The following GREM1 variants were observed in gnomAD, a reference collection of about 807,000 sequenced individuals.
GREM1 encodes gremlin 1, DAN family BMP antagonist, also known as gremlin-1.
Under a neutral mutation model 13.1 loss-of-function variants are expected in GREM1, and 6 were observed. That is an observed-to-expected ratio of 0.46 (90% confidence interval 0.25 to 0.91). The LOEUF is 0.91. Among genes scored for constraint, GREM1 ranks in the 40% least tolerant of loss-of-function variants. The pLI, the probability that GREM1 is intolerant of heterozygous loss-of-function variation, is 0.18. For missense variants in GREM1, 185 were observed against 233.9 expected, an observed-to-expected ratio of 0.79 and a Z score of 1.36; for synonymous variants, 98 against 93.7, an observed-to-expected ratio of 1.05 and a Z score of -0.27.
At position 32,736,935 on chromosome 15, in the gene GREM1, T is replaced by G. The variant is rs2055704199; in HGVS notation, c.*5690T>G. On this transcript the variant is annotated 3_prime_UTR_variant, in exon 2 of 2. Coordinates refer to ENST00000651154, the MANE Select transcript of GREM1 (RefSeq NM_013372.7). ...CTCTCCACAAAAAGCCTCATGTGAG[T>G]AATAAATGTTTCATACTCTCTTGGG... 1 of 152,112 alleles carries G rather than the reference T, an allele frequency of 6.6e-6. No individual in the cohort carries two copies. The highest frequency in any genetic ancestry group is 2.4e-5 in the African/African-American group (1 of 41,422). 9.4% of individuals were successfully genotyped at this position (152,112 alleles called of 1,614,324 possible). A position where few individuals can be genotyped will look rare whatever the true frequency, so the allele number is the denominator to read the frequency against.
At position 32,736,485 on chromosome 15, in the gene GREM1, G is replaced by C. The variant is rs2055698582; in HGVS notation, c.*5240G>C. ...AAGCCTTAAGCTCTCACTTCAAGCTGATCTTGAGGCTCTGCACAAGCCATA... is the reference window on the plus strand; with the variant it reads ...AAGCCTTAAGCTCTCACTTCAAGCTCATCTTGAGGCTCTGCACAAGCCATA... On this transcript the variant is annotated 3_prime_UTR_variant, in exon 2 of 2. Coordinates refer to ENST00000651154, the MANE Select transcript of GREM1 (RefSeq NM_013372.7). 1 of 152,154 alleles carries C rather than the reference G, an allele frequency of 6.6e-6. No homozygotes were observed. The allele number at this position is 152,154 out of a possible 1,614,324, so 9.4% of individuals were successfully genotyped here.
intron 1 of GREM1, among the ~76,000 whole-genome samples, chr15:32,726,026 T>G (rs2055496670): frequency 6.6e-6 from 1 of 152,186 alleles, no homozygotes; most frequent in Non-Finnish European, 1.5e-5. Flanking sequence ...ACCGTGCTGT[T>G]TTGGTTACTG....
intron 1 of GREM1, chr15:32,718,838 C>T: frequency 3.9e-6 from 1 of 259,422 alleles, no homozygotes; most frequent in Non-Finnish European, 7.7e-6. Context: ...GCTCACAAGG[C>T]AGACACCACA....
At chr15:32,728,493 T>A (rs1366808619) in intron 1 of GREM1, among the ~76,000 whole-genome samples, 3 of 152,106 alleles carry the variant, frequency 2.0e-5, no homozygotes, top group East Asian at 3.9e-4. Context: ...CATTTAAAGA[T>A]ATCTTAAATT....
intron 1 of GREM1, among the ~76,000 whole-genome samples, chr15:32,725,998 A>G (rs1160687365): frequency 6.6e-6 from 1 of 152,146 alleles, no homozygotes; most frequent in South Asian, 2.1e-4. Context: ...TGGTCTGTAT[A>G]TCTGCTTTGA....
At position 32,718,125 on chromosome 15, in the gene GREM1, C is replaced by G. The variant is rs2055325934; in HGVS notation, c.-38C>G. The stretch of plus-strand genomic sequence containing the variant: ...CGCGGCCGCACTCAGCGCCACGCGT[C>G]GAAAGCGCAGGCCCCGAGGACCCGC... On this transcript the variant is annotated 5_prime_UTR_variant, in exon 1 of 2. Coordinates refer to ENST00000651154, the MANE Select transcript of GREM1 (RefSeq NM_013372.7). The G allele has an allele frequency of 7.8e-7, 1 of 1,283,116 alleles. No homozygotes were observed. Among genetic ancestry groups the G allele is most frequent in the Non-Finnish European group, 1.0e-6 (1 of 992,526 alleles). The allele number at this position is 1,283,116 out of a possible 1,614,324, so 79.5% of individuals were successfully genotyped here. A position where few individuals can be genotyped will look rare whatever the true frequency, so the allele number is the denominator to read the frequency against.
chr15:32,720,407 C>T (rs1041687531), intron 1 of GREM1, among the ~76,000 whole-genome samples: 5 of 152,086 alleles, frequency 3.3e-5, no homozygotes, highest in African/African-American at 1.2e-4. Flanking sequence ...AATTTCATGC[C>T]GCAGACACCT....
chr15:32,730,601 C>A (rs1567112776), intron 1 of GREM1, 89 bp from the exon 2 acceptor site: 2 of 841,570 alleles, frequency 2.4e-6, no homozygotes, highest in Non-Finnish European at 3.7e-6. Context: ...TTTAACGGTG[C>A]GTTTAAATGC....
At chr15:32,721,515 G>A (rs960340407) in intron 1 of GREM1, among the ~76,000 whole-genome samples, 3 of 152,100 alleles carry the variant, frequency 2.0e-5, no homozygotes, top group African/African-American at 4.8e-5. Context: ...AAGCACTTTC[G>A]GAGACTGAGG....
chr15:32,730,806 C>A lies in GREM1; in HGVS notation c.116C>A (p.Ala39Asp). 6.2e-7 allele frequency: 1 copy of A among 1,613,896 alleles called. No individual in the cohort carries two copies. Among genetic ancestry groups the A allele is most frequent in the Non-Finnish European group, 8.5e-7 (1 of 1,179,980 alleles). The change falls in exon 2 of 2, where the codon GCC becomes GAC. Residue 39 changes from alanine (A) to aspartate (D), a missense_variant. Physicochemically the swap from Ala to Asp is moderately radical, Grantham distance 126 (BLOSUM62 -2). Transcript: ENST00000651154. ...GGTGCCATCCCCCCGCCAGACAAGGCCCAGCACAATGACTCAGAGCAGACT... is the reference window on the plus strand; with the variant it reads ...GGTGCCATCCCCCCGCCAGACAAGGACCAGCACAATGACTCAGAGCAGACT... ...SQGAIPPPDK[A>D]QHNDSEQTQS... is the part of the protein sequence containing the mutation.
intron 1 of GREM1, among the ~76,000 whole-genome samples, chr15:32,728,008 A>T (rs1329110944): frequency 9.2e-5 from 14 of 152,216 alleles, no homozygotes; most frequent in Admixed American, 5.2e-4. Context: ...ATGGAAAAAC[A>T]TTCCATGCTC....
chr15:32,727,202 C>T (rs1595848758), intron 1 of GREM1, among the ~76,000 whole-genome samples: 1 of 134,132 alleles, frequency 7.5e-6, no homozygotes, highest in East Asian at 2.1e-4. Context: ...AGAGACACAA[C>T]ATAAAAAAGG....
rs4780038 is a variant in GREM1, at chr15:32,728,066, C to T, written c.-1-2624C>T. ...ATGAAAATGGCCATACTGCCCAAAA[C>T]AATTTATAGATTCAATGCCATCCCC... is the stretch of plus-strand genomic sequence containing the variant. On this transcript the variant is annotated intron_variant, in intron 1 of 1. Transcript: ENST00000651154. 0.59 allele frequency among the ~76,000 whole-genome samples: 90,193 copies of T among 151,938 alleles called. 28,232 individuals are homozygous for T. Among genetic ancestry groups the T allele is most frequent in the East Asian group, 0.77 (3,962 of 5,174 alleles).
chr15:32,725,564 A>C (rs1156660777), intron 1 of GREM1, among the ~76,000 whole-genome samples: 1 of 152,120 alleles, frequency 6.6e-6, no homozygotes, highest in African/African-American at 2.4e-5. Context: ...AGACTGCAAA[A>C]ATTTTCTCCC....
chr15:32,727,825 C>T (rs890116395), intron 1 of GREM1, among the ~76,000 whole-genome samples: 1 of 152,208 alleles, frequency 6.6e-6, no homozygotes, highest in Non-Finnish European at 1.5e-5. Context: ...GCAAAAATCA[C>T]AAGCATTCCT....
chr15:32,723,326 G>A (rs2055442882), intron 1 of GREM1, among the ~76,000 whole-genome samples: 1 of 152,282 alleles, frequency 6.6e-6, no homozygotes, highest in Admixed American at 6.5e-5. Flanking sequence ...GAGCTTGAGT[G>A]ATTGACAAGG....
In GREM1 at chr15:32,738,976, G is replaced by T. The variant is rs550163401; in HGVS notation, c.*7731G>T. 19 of 152,124 alleles carry T rather than the reference G, an allele frequency of 1.2e-4. No individual in the cohort carries two copies. The highest frequency in any genetic ancestry group is 4.6e-4 in the African/African-American group (19 of 41,492). 9.4% of individuals were successfully genotyped at this position (152,124 alleles called of 1,614,324 possible). A position where few individuals can be genotyped will look rare whatever the true frequency, so the allele number is the denominator to read the frequency against. On this transcript the variant is annotated 3_prime_UTR_variant, in exon 2 of 2. Coordinates refer to ENST00000651154, the MANE Select transcript of GREM1 (RefSeq NM_013372.7). ...AAACAAAACAAACAACAAAAATACT[G>T]AAAGCTTTCCCCATACAGGAACTAA...
intron 1 of GREM1, among the ~76,000 whole-genome samples, chr15:32,728,168 CG>C (rs371166952): frequency 5.9e-5 from 9 of 152,030 alleles, no homozygotes; most frequent in South Asian, 4.2e-4. Flanking sequence ...AAAAAAGAGC[CG>C]GTATAGCCAA....
Position 32,734,406 on chromosome 15 carries a change from AG to A in GREM1, c.*3162del, listed in dbSNP as rs1355108236. 1 of 246,522 alleles carries A rather than the reference AG, an allele frequency of 4.1e-6. No homozygotes were observed. The highest frequency in any genetic ancestry group is 8.5e-6 in the Non-Finnish European group (1 of 117,230). The allele number at this position is 246,522 out of a possible 1,614,324, so 15.3% of individuals were successfully genotyped here. On this transcript the variant is annotated 3_prime_UTR_variant, in exon 2 of 2. Coordinates refer to ENST00000651154, the MANE Select transcript of GREM1 (RefSeq NM_013372.7). ...TCAGTTAATGCCTAAGAGTGAAAGT[AG>A]TTCTATTGACATTCCTCAAGATATT...
Sources: allele counts gnomAD v4.1 joint callset (sites outside exome capture counted in the v4.1 genomes callset), GRCh38; gene constraint gnomAD v4.1.1; transcripts MANE v1.5; gene names NCBI Gene and HGNC (gene_info 2026-07-23, HGNC 2026-07-21).